The following CFAP54 variants were observed in gnomAD, a reference collection of about 807,000 sequenced individuals.
CFAP54 encodes cilia- and flagella-associated protein 54.
In CFAP54, 290 loss-of-function variants were observed where a neutral mutation model predicts 370.4. The observed-to-expected ratio is 0.78, with a 90% CI of 0.71 to 0.86. CFAP54 has a LOEUF of 0.86. Among genes scored for constraint, CFAP54 ranks in the 40% least tolerant of loss-of-function variants. CFAP54 has a pLI of 0.00. For synonymous variants in CFAP54, 1,206 were observed against 1,236.5 expected (o/e 0.98, Z 0.52); for missense variants, 3,399 against 3,528.7 (o/e 0.96, Z 0.93).
intron 67 of CFAP54, among the ~76,000 whole-genome samples, chr12:96,871,159 A>C (rs574578477): frequency 2.0e-5 from 3 of 152,376 alleles, no homozygotes; most frequent in East Asian, 1.9e-4. Flanking sequence ...ACACATGGAC[A>C]TGATGAGACT....
chr12:96,728,750 G>A (rs563945555), intron 50 of CFAP54, among the ~76,000 whole-genome samples: 24 of 152,208 alleles, frequency 1.6e-4, no homozygotes, highest in African/African-American at 3.6e-4. Context: ...GAGGAGAGGC[G>A]CTCTGCTTTT....
At chr12:96,501,278 C>G (rs1338239642) in intron 2 of CFAP54, 1 of 166,886 alleles carries the variant, frequency 6.0e-6, no homozygotes, top group African/African-American at 2.4e-5. Flanking sequence ...CCAGACACCA[C>G]TTCCTGTTGT....
chr12:96,579,350 C>A (rs764331659), intron 20 of CFAP54, among the ~76,000 whole-genome samples: 3 of 152,090 alleles, frequency 2.0e-5, no homozygotes, highest in Non-Finnish European at 4.4e-5. Flanking sequence ...ATCAGAAATT[C>A]TAATTCATTG....
intron 26 of CFAP54, among the ~76,000 whole-genome samples, chr12:96,609,062 A>G (rs947259255): frequency 6.6e-6 from 1 of 152,220 alleles, no homozygotes; most frequent in African/African-American, 2.4e-5. Context: ...GCTTGAAAAA[A>G]TGAATGGGTA....
At chr12:96,702,662 C>G (rs542457665) in intron 46 of CFAP54, among the ~76,000 whole-genome samples, 1 of 152,244 alleles carries the variant, frequency 6.6e-6, no homozygotes, top group South Asian at 2.1e-4. Flanking sequence ...AATCTATCTC[C>G]CAGTAGATTC....
chr12:96,843,031 T>C (rs1421434557), intron 66 of CFAP54, among the ~76,000 whole-genome samples: 1 of 152,214 alleles, frequency 6.6e-6, no homozygotes, highest in East Asian at 1.9e-4. Flanking sequence ...AGGATTTCTT[T>C]CCACTGGACC....
At chr12:96,764,122 A>G (rs767559849) in intron 58 of CFAP54, 29 bp from the exon 59 acceptor site, 2 of 1,479,552 alleles carry the variant, frequency 1.4e-6, no homozygotes, top group South Asian at 2.3e-5. Context: ...ACAAAACTTT[A>G]TATCATAACA....
intron 63 of CFAP54, among the ~76,000 whole-genome samples, chr12:96,800,030 G>A (rs2079556030): frequency 6.6e-6 from 1 of 152,138 alleles, no homozygotes. Flanking sequence ...GAGAGGGTTT[G>A]GAAATGGAAG....
In CFAP54 at chr12:96,641,520, C is replaced by A. The variant is rs1428349143; in HGVS notation, c.4317-2658C>A. ...TCAACCTTTGTGGAAGTCAGTGTGGCGATTCCTCAGGGATCTAGAACTAGA... is the reference window on the plus strand; with the variant it reads ...TCAACCTTTGTGGAAGTCAGTGTGGAGATTCCTCAGGGATCTAGAACTAGA... On this transcript the variant is annotated intron_variant, in intron 32 of 67. Transcript: ENST00000524981. Among the ~76,000 whole-genome samples, 4 of 152,074 alleles carry A rather than the reference C, an allele frequency of 2.6e-5. No individual in the cohort carries two copies. In the South Asian group the frequency reaches 6.2e-4, roughly 24 times the overall value.
intron 1 of CFAP54, among the ~76,000 whole-genome samples, chr12:96,496,709 A>AG (rs1287409296): frequency 6.6e-6 from 1 of 151,976 alleles, no homozygotes; most frequent in Non-Finnish European, 1.5e-5. Flanking sequence ...GCAGTGGGGG[A>AG]GGGGTCACAA....
At chr12:96,512,754 A>T (rs1955187411) in intron 4 of CFAP54, among the ~76,000 whole-genome samples, 1 of 152,206 alleles carries the variant, frequency 6.6e-6, no homozygotes, top group Admixed American at 6.5e-5. Flanking sequence ...GTAAAATGAG[A>T]CTAGAAGATT....
chr12:96,874,778 C>T (rs1485461911), intron 67 of CFAP54, among the ~76,000 whole-genome samples: 6 of 151,432 alleles, frequency 4.0e-5, no homozygotes, highest in Admixed American at 6.6e-5. Context: ...TACAGGCGCC[C>T]GCCACTACGC....
At chr12:96,866,619 G>A (rs1336923030) in intron 67 of CFAP54, among the ~76,000 whole-genome samples, 3 of 152,050 alleles carry the variant, frequency 2.0e-5, no homozygotes, top group Non-Finnish European at 4.4e-5. Flanking sequence ...GAAATTCAAA[G>A]ATTTCTAAGT....
At chr12:96,589,701 G>C (rs571727793) in intron 23 of CFAP54, 138 bp downstream of exon 23, 16 of 611,888 alleles carry the variant, frequency 2.6e-5, no homozygotes, top group Admixed American at 6.2e-5. Flanking sequence ...ATTGTAATAA[G>C]AGTATGCATT....
intron 32 of CFAP54, among the ~76,000 whole-genome samples, chr12:96,637,135 T>A (rs1956671505): frequency 6.6e-6 from 1 of 152,226 alleles, no homozygotes; most frequent in Non-Finnish European, 1.5e-5. Context: ...GTTTCACGTA[T>A]GTGTAATCAT....
In CFAP54 at chr12:96,873,965, C is replaced by G. The variant is rs150479364; in HGVS notation, c.*15-1153C>G. Reference sequence around the variant, plus strand: ...AGAGTGTTAATCAAAAAATTTGGTTCTCCGTAGCATATGTTCTCTTTTGTC... The same window carrying G: ...AGAGTGTTAATCAAAAAATTTGGTTGTCCGTAGCATATGTTCTCTTTTGTC... On this transcript the variant is annotated intron_variant, in intron 67 of 67. Transcript: ENST00000524981. Among the ~76,000 whole-genome samples, 32 of 152,216 alleles carry G rather than the reference C, an allele frequency of 2.1e-4. 1 individual carries two copies. Among genetic ancestry groups the G allele is most frequent in the Admixed American group, 1.8e-3 (28 of 15,294 alleles).
At chr12:96,776,740 A>G (rs1444823355) in intron 60 of CFAP54, among the ~76,000 whole-genome samples, 2 of 152,262 alleles carry the variant, frequency 1.3e-5, no homozygotes, top group East Asian at 1.9e-4. Flanking sequence ...GAACTCTGTT[A>G]TATCAAAATA....
chr12:96,515,988 T>C (rs1424302805), intron 5 of CFAP54, among the ~76,000 whole-genome samples: 1 of 146,776 alleles, frequency 6.8e-6, no homozygotes. Context: ...CGGTCTTGGC[T>C]CACTGCAAGC....
At chr12:96,765,961 G>A (rs1025899981) in intron 60 of CFAP54, among the ~76,000 whole-genome samples, 4 of 152,104 alleles carry the variant, frequency 2.6e-5, no homozygotes, top group Non-Finnish European at 4.4e-5. Context: ...TAAGCACTTG[G>A]ATAGGTGCTA....
Sources: allele counts gnomAD v4.1 joint callset (sites outside exome capture counted in the v4.1 genomes callset), GRCh38; gene constraint gnomAD v4.1.1; transcripts MANE v1.5; gene names NCBI Gene and HGNC (gene_info 2026-07-23, HGNC 2026-07-21).